Variants in SHH observed in about 807,000 individuals in gnomAD.
SHH encodes the protein sonic hedgehog protein.
A neutral mutation model predicts 16.6 loss-of-function variants in SHH; 3 were observed. That is an observed-to-expected ratio of 0.18 (90% CI 0.08 to 0.47). The LOEUF is 0.47. Among genes scored for constraint, SHH ranks in the 20% least tolerant of loss-of-function variants. The probability of loss-of-function intolerance (pLI) is 0.98; values close to 1 mark genes in which losing one functional copy is unlikely to be tolerated. For synonymous variants in SHH, 351 were observed against 316.2 expected, an observed-to-expected ratio of 1.11 and a Z score of -1.17; for missense variants, 499 against 665.0, an observed-to-expected ratio of 0.75 and a Z score of 2.75.
chr7:155,806,657 G>T, intron 1 of SHH, 100 bp from the exon 2 acceptor site: 1 of 1,457,202 alleles, frequency 6.9e-7, no homozygotes, highest in South Asian at 1.1e-5. Flanking sequence ...GTCTCAAGGC[G>T]CGAGGGCCAT....
rs561815036 is a variant in SHH at position 155,807,955 on chromosome 7, A to C, written c.301-1398T>G. On this transcript the variant is annotated intron_variant, in intron 1 of 2. Coordinates refer to ENST00000297261, the MANE Select transcript of SHH (RefSeq NM_000193.4). The surrounding 1 kb of genome is among the most constrained non-coding windows in gnomAD (Gnocchi z 7.1). ...CGTGGGTTGGGGGGACTCTTTCGAG[A>C]GGGTGGGGCGAGGACGCTGGCCCCA... 1.3e-5 allele frequency among the ~76,000 whole-genome samples: 2 copies of C among 152,046 alleles called. No individual in the cohort carries two copies. Among genetic ancestry groups the C allele is most frequent in the Admixed American group, 1.3e-4 (2 of 15,278 alleles).
Position 155,800,850 on chromosome 7 carries a change from AG to A in SHH, c.*2049del. The A allele has an allele frequency of 2.9e-6, 1 of 348,150 alleles. No homozygotes were observed. The highest frequency in any genetic ancestry group is 5.7e-6 in the Non-Finnish European group (1 of 175,626). The allele number at this position is 348,150 out of a possible 1,614,324, so 21.6% of individuals were successfully genotyped here. On this transcript the variant is annotated 3_prime_UTR_variant, in exon 3 of 3. Transcript: ENST00000297261. The stretch of plus-strand genomic sequence containing the variant: ...CCAACCTCGGGAGCCAGCCCCTGCC[AG>A]GTGGGGCTGAAGTCTGTTCACTCCT...
chr7:155,804,945 G>T lies in SHH; in HGVS notation c.563-1219C>A, dbSNP rs1414326781. ...GCATGAAGTGCGGGGCTGGCCGTTG[G>T]AGGCCCTCCGTAGCCCCCCGGAATG... On this transcript the variant is annotated intron_variant, in intron 2 of 2. Coordinates refer to ENST00000297261, the MANE Select transcript of SHH (RefSeq NM_000193.4). 3.9e-5 allele frequency among the ~76,000 whole-genome samples: 6 copies of T among 152,232 alleles called. No homozygotes were observed. The East Asian group carries it at 1.2e-3, about 29-fold the overall frequency.
chr7:155,800,736 G>A lies in SHH; in HGVS notation c.*2164C>T. On this transcript the variant is annotated 3_prime_UTR_variant, in exon 3 of 3. Coordinates refer to ENST00000297261, the MANE Select transcript of SHH (RefSeq NM_000193.4). ...CTGCTCCTGAGGAGAGGGCTCCAGA[G>A]GCCCTGCGCCATCCACCTGGTCACA... 2.3e-6 allele frequency: 1 copy of A among 440,442 alleles called. No homozygotes were observed. The highest frequency in any genetic ancestry group is 1.6e-5 in the South Asian group (1 of 61,928). 27.3% of individuals were successfully genotyped at this position (440,442 alleles called of 1,614,324 possible). A position where few individuals can be genotyped will look rare whatever the true frequency, so the allele number is the denominator to read the frequency against.
chr7:155,808,256 G>A (rs1803417466), intron 1 of SHH, among the ~76,000 whole-genome samples: 1 of 152,250 alleles, frequency 6.6e-6, no homozygotes, highest in South Asian at 2.1e-4. Flanking sequence ...ACCAGGGTCA[G>A]TGTAGAGCTA....
At position 155,801,839 on chromosome 7, in the gene SHH, T is replaced by G. The variant is rs1382659734; in HGVS notation, c.*1061A>C. The G allele has an allele frequency of 1.3e-5, 2 of 152,224 alleles. No individual in the cohort carries two copies. The highest frequency in any genetic ancestry group is 4.8e-5 in the African/African-American group (2 of 41,466). 9.4% of individuals were successfully genotyped at this position (152,224 alleles called of 1,614,324 possible). Reference sequence around the variant, plus strand: ...ACAGGAATTCTTAGTTATTAGATACTAAGCGTTCTGTGCATGGCACATTTT... The same window carrying G: ...ACAGGAATTCTTAGTTATTAGATACGAAGCGTTCTGTGCATGGCACATTTT... On this transcript the variant is annotated 3_prime_UTR_variant, in exon 3 of 3. Transcript: ENST00000297261.
chr7:155,805,546 G>C (rs1255838659), intron 2 of SHH, among the ~76,000 whole-genome samples: 1 of 152,236 alleles, frequency 6.6e-6, no homozygotes, highest in Non-Finnish European at 1.5e-5. Flanking sequence ...GAAGAGCGCT[G>C]TGCACACAGC....
At chr7:155,810,394 G>C (rs1207842334) in intron 1 of SHH, among the ~76,000 whole-genome samples, 1 of 152,260 alleles carries the variant, frequency 6.6e-6, no homozygotes, top group Admixed American at 6.5e-5. Flanking sequence ...TCCTCCGCGG[G>C]GAGTGAGGGT....
chr7:155,800,618 A>G lies in SHH; in HGVS notation c.*2282T>C, dbSNP rs1803159123. 1 of 470,890 alleles carries G rather than the reference A, an allele frequency of 2.1e-6. No individual in the cohort carries two copies. Among genetic ancestry groups the G allele is most frequent in the East Asian group, 6.9e-5 (1 of 14,406 alleles). The allele number at this position is 470,890 out of a possible 1,614,324, so 29.2% of individuals were successfully genotyped here. A position where few individuals can be genotyped will look rare whatever the true frequency, so the allele number is the denominator to read the frequency against. On this transcript the variant is annotated 3_prime_UTR_variant, in exon 3 of 3. Coordinates refer to ENST00000297261, the MANE Select transcript of SHH (RefSeq NM_000193.4). ...CTGAACTGTCAAAAGAACAGAAACC[A>G]TCGCACTTCCTCCGAGATTGTAAAC...
rs1803220170 is a variant in SHH at position 155,802,825 on chromosome 7, AGT to A, written c.*73_*74del. ...CAGTCTGGTTCGTGCGCCTTTTCCGAGTGTCTTTTTGCTTTGCGTTGCTGTTG... is the reference window on the plus strand; with the variant it reads ...CAGTCTGGTTCGTGCGCCTTTTCCGAGTCTTTTTGCTTTGCGTTGCTGTTG... On this transcript the variant is annotated 3_prime_UTR_variant, in exon 3 of 3. Transcript: ENST00000297261. 1 of 912,060 alleles carries A rather than the reference AGT, an allele frequency of 1.1e-6. No homozygotes were observed. Among genetic ancestry groups the A allele is most frequent in the East Asian group, 3.2e-5 (1 of 30,818 alleles). The allele number at this position is 912,060 out of a possible 1,614,324, so 56.5% of individuals were successfully genotyped here.
chr7:155,809,181 C>T lies in SHH; in HGVS notation c.301-2624G>A, dbSNP rs1216883141. 2 of 152,208 alleles carry T rather than the reference C, an allele frequency of 1.3e-5. No homozygotes were observed. The highest frequency in any genetic ancestry group is 2.9e-5 in the Non-Finnish European group (2 of 68,082). 9.4% of individuals were successfully genotyped at this position (152,208 alleles called of 1,614,324 possible). On this transcript the variant is annotated intron_variant, in intron 1 of 2. Coordinates refer to ENST00000297261, the MANE Select transcript of SHH (RefSeq NM_000193.4). The surrounding 1 kb of genome is among the most constrained non-coding windows in gnomAD (Gnocchi z 6.1). ...GCGTGTCTGTCTGCGCTTTCCTCTCCCGGGTTAATATTAACCGGCAGCTCC... is the reference window on the plus strand; with the variant it reads ...GCGTGTCTGTCTGCGCTTTCCTCTCTCGGGTTAATATTAACCGGCAGCTCC...
chr7:155,806,100 T>A (rs1417661990), intron 2 of SHH, among the ~76,000 whole-genome samples, 196 bp downstream of exon 2: 4 of 152,208 alleles, frequency 2.6e-5, no homozygotes, highest in Admixed American at 6.5e-5. Context: ...CCTTGGGCTC[T>A]GTGGCCTCAA....
At chr7:155,804,957 A>G (rs897719498) in intron 2 of SHH, among the ~76,000 whole-genome samples, 5 of 152,136 alleles carry the variant, frequency 3.3e-5, no homozygotes, top group East Asian at 1.9e-4. Flanking sequence ...GGCCCTCCGT[A>G]GCCCCCCGGA....
rs575390346 is a variant in SHH, at chr7:155,800,978, C to T, written c.*1922G>A. 2.9e-4 allele frequency: 58 copies of T among 198,422 alleles called. No individual in the cohort carries two copies. The highest frequency in any genetic ancestry group is 2.3e-3 in the Middle Eastern group (1 of 440). The allele number at this position is 198,422 out of a possible 1,614,324, so 12.3% of individuals were successfully genotyped here. On this transcript the variant is annotated 3_prime_UTR_variant, in exon 3 of 3. Transcript: ENST00000297261. ...CAAGGCCCAGCCTGCTCAGACGATT[C>T]GGCCCAAAGCACAAAGCATGGCAGA... is the stretch of plus-strand genomic sequence containing the variant.
In SHH at chr7:155,800,411, C is replaced by A; in HGVS notation, c.*2489G>T. On this transcript the variant is annotated 3_prime_UTR_variant, in exon 3 of 3. Coordinates refer to ENST00000297261, the MANE Select transcript of SHH (RefSeq NM_000193.4). ...TTTCCCATCCGGGTGAAGCTCTGCT[C>A]CAAGGTGCCCCAGTCACCAGCAGAG... The A allele has an allele frequency of 2.5e-6, 1 of 393,246 alleles. No individual in the cohort carries two copies. 24.4% of individuals were successfully genotyped at this position (393,246 alleles called of 1,614,324 possible).
intron 1 of SHH, 57 bp from the exon 2 acceptor site, chr7:155,806,614 C>A: frequency 1.9e-6 from 3 of 1,602,374 alleles, no homozygotes; most frequent in Non-Finnish European, 2.6e-6. Context: ...AACCGCCACC[C>A]CTCCCGGCCC....
chr7:155,806,592 G>T (rs761804540), intron 1 of SHH, 35 bp from the exon 2 acceptor site: 73 of 1,610,244 alleles, frequency 4.5e-5, no homozygotes, highest in Non-Finnish European at 6.0e-5. Flanking sequence ...CGACGGACAC[G>T]TTAGCCTGGG....
chr7:155,805,845 G>A lies in SHH; in HGVS notation c.562+451C>T, dbSNP rs944608605. On this transcript the variant is annotated intron_variant, in intron 2 of 2. Coordinates refer to ENST00000297261, the MANE Select transcript of SHH (RefSeq NM_000193.4). ...ATCCACGGGCGCCCGGCGGGGAGGA[G>A]CCAGGACGCGGGCTCCGGGGCAGGA... Among the ~76,000 whole-genome samples the A allele has an allele frequency of 2.0e-5, 3 of 152,258 alleles. No individual in the cohort carries two copies. The East Asian group carries it at 5.8e-4, about 29-fold the overall frequency.
chr7:155,803,257 G>A lies in SHH; in HGVS notation c.1032C>T (p.Ala344=). ...SVTLSEEAAG[A]YAPLTAQGTI... ...TGCCCTGGGCCGTGAGCGGCGCGTA[G>A]GCGCCCGCGGCCTCCTCGCTTAGGG... The change falls in exon 3 of 3, where the codon GCC becomes GCT. Residue 344 remains alanine, a synonymous_variant. Transcript: ENST00000297261. 1 of 1,513,878 alleles carries A rather than the reference G, an allele frequency of 6.6e-7. No homozygotes were observed. The allele number at this position is 1,513,878 out of a possible 1,614,324, so 93.8% of individuals were successfully genotyped here.
Sources: allele counts gnomAD v4.1 joint callset (sites outside exome capture counted in the v4.1 genomes callset), GRCh38; gene constraint gnomAD v4.1.1; non-coding constraint Gnocchi (gnomAD v3.1); transcripts MANE v1.5; gene names NCBI Gene and HGNC (gene_info 2026-07-23, HGNC 2026-07-21).